Variants in KIF3B observed in about 807,000 individuals in gnomAD.
KIF3B encodes kinesin-like protein KIF3B.
In KIF3B, 38 loss-of-function variants were observed where a neutral mutation model predicts 74.3. That is an observed-to-expected ratio of 0.51 (90% CI 0.39 to 0.67). The LOEUF (loss-of-function observed/expected upper bound fraction) is 0.67, where lower values mean the gene tolerates loss of function less well. Ranked by LOEUF, KIF3B falls within the 30% of genes least tolerant of loss-of-function variation. The probability of loss-of-function intolerance (pLI) is 0.00; values close to 1 mark genes in which losing one functional copy is unlikely to be tolerated. For missense variants in KIF3B, 649 were observed against 932.0 expected, an observed-to-expected ratio of 0.70 and a Z score of 3.95; for synonymous variants, 326 against 342.5, an observed-to-expected ratio of 0.95 and a Z score of 0.53.
At chr20:32,329,523 C>T (rs1052900462) in intron 7 of KIF3B, among the ~76,000 whole-genome samples, 1 of 152,036 alleles carries the variant, frequency 6.6e-6, no homozygotes, top group African/African-American at 2.4e-5. Flanking sequence ...GTGTGCTGGG[C>T]ATTGTACCCA....
At chr20:32,329,003 G>A (rs1240986698) in intron 7 of KIF3B, among the ~76,000 whole-genome samples, 1 of 152,186 alleles carries the variant, frequency 6.6e-6, no homozygotes, top group African/African-American at 2.4e-5. Flanking sequence ...TGTCTCCTGG[G>A]TTCAAGCAAT....
rs2047947307 is a variant in KIF3B, at chr20:32,334,708, GT to G, written c.*3391del. 6.6e-6 allele frequency: 1 copy of G among 152,176 alleles called. No homozygotes were observed. Among genetic ancestry groups the G allele is most frequent in the African/African-American group, 2.4e-5 (1 of 41,434 alleles). The allele number at this position is 152,176 out of a possible 1,614,324, so 9.4% of individuals were successfully genotyped here. On this transcript the variant is annotated 3_prime_UTR_variant, in exon 9 of 9. Transcript: ENST00000375712. The stretch of plus-strand genomic sequence containing the variant: ...ATCACGCAAGGCTTTGTTTTGTACT[GT>G]TCAGAAATCTGTCACCTTTCTGCCT...
At chr20:32,323,212 T>G (rs1201107300) in intron 5 of KIF3B, among the ~76,000 whole-genome samples, 2 of 137,266 alleles carry the variant, frequency 1.5e-5, no homozygotes, top group Non-Finnish European at 3.0e-5. Context: ...ATAATTGATT[T>G]TTGTCTACAC....
Position 32,297,253 on chromosome 20 carries a change from G to T in KIF3B, c.-65-12460G>T, listed in dbSNP as rs192150079. ...AGAGGACATTGCTTTGGAATGCATT[G>T]ATTTGAGGTGCGTTAGTATGCACTC... On this transcript the variant is annotated intron_variant, in intron 1 of 8. Transcript: ENST00000375712. Among the ~76,000 whole-genome samples, 223 of 152,332 alleles carry T rather than the reference G, an allele frequency of 1.5e-3. 1 individual carries two copies. Among genetic ancestry groups the T allele is most frequent in the African/African-American group, 5.0e-3 (206 of 41,576 alleles).
chr20:32,316,461 AG>A, intron 3 of KIF3B, 65 bp from the exon 4 acceptor site: 1 of 1,604,980 alleles, frequency 6.2e-7, no homozygotes. Flanking sequence ...CTCTGATCCT[AG>A]CTTGGGGAAC....
rs776012290 is a variant in KIF3B, at chr20:32,327,676, C to T, written c.1968+15C>T. 3 of 1,596,550 alleles carry T rather than the reference C, an allele frequency of 1.9e-6. No homozygotes were observed. Among genetic ancestry groups the T allele is most frequent in the East Asian group, 4.5e-5 (2 of 44,674 alleles). ...CCCGATATAGGGTGAGAAGATCCTTCTTGGGTTTTTCTCCTGTCTCTTTTG... is the reference window on the plus strand; with the variant it reads ...CCCGATATAGGGTGAGAAGATCCTTTTTGGGTTTTTCTCCTGTCTCTTTTG... On this transcript the variant is annotated intron_variant, in intron 7 of 8. Transcript: ENST00000375712.
intron 1 of KIF3B, among the ~76,000 whole-genome samples, chr20:32,280,714 C>CA (rs34366324): frequency 0.2 from 10,166 of 51,374 alleles, 1,624 homozygotes; most frequent in African/African-American, 0.22. Flanking sequence ...GACTCCGTCT[C>CA]AAAAAAAAAA....
chr20:32,296,607 A>G (rs939755118), intron 1 of KIF3B, among the ~76,000 whole-genome samples: 16 of 152,122 alleles, frequency 1.1e-4, no homozygotes, highest in Non-Finnish European at 2.2e-4. Flanking sequence ...GAAGAAAAAA[A>G]AAAGGGTATA....
At chr20:32,312,305 A>G (rs577505192) in intron 2 of KIF3B, among the ~76,000 whole-genome samples, 11 of 151,516 alleles carry the variant, frequency 7.3e-5, no homozygotes, top group Admixed American at 3.3e-4. Context: ...TGGTCTCACT[A>G]TGTTGTTCAG....
intron 5 of KIF3B, among the ~76,000 whole-genome samples, chr20:32,323,104 A>ATATTTT (rs2047882447): frequency 5.7e-5 from 5 of 87,320 alleles, no homozygotes; most frequent in Non-Finnish European, 8.9e-5. Context: ...TTATATATTT[A>ATATTTT]TATATATTTA....
intron 2 of KIF3B, 92 bp downstream of exon 2, chr20:32,311,273 G>A: frequency 7.5e-7 from 1 of 1,335,886 alleles, no homozygotes; most frequent in Non-Finnish European, 1.0e-6. Context: ...TATGAGGGAT[G>A]ATGTCTCTCA....
chr20:32,315,343 A>G (rs1420605846), intron 2 of KIF3B, among the ~76,000 whole-genome samples: 2 of 152,070 alleles, frequency 1.3e-5, no homozygotes, highest in South Asian at 2.1e-4. Context: ...CCTAATTCCT[A>G]TTTTTTAACT....
intron 5 of KIF3B, among the ~76,000 whole-genome samples, chr20:32,318,963 T>A (rs1355859357): frequency 7.2e-6 from 1 of 139,824 alleles, no homozygotes; most frequent in Non-Finnish European, 1.6e-5. Context: ...CCACATCTTC[T>A]TTTTTTTTTT....
chr20:32,306,086 G>C (rs6087869), intron 1 of KIF3B, among the ~76,000 whole-genome samples: 1 of 78,314 alleles, frequency 1.3e-5, no homozygotes, highest in Non-Finnish European at 3.6e-5. Flanking sequence ...GACTCCATCT[G>C]AAAAAAAAAA....
At position 32,316,523 on chromosome 20, in the gene KIF3B, T is replaced by G. The variant is rs2047828396; in HGVS notation, c.1507-4T>G. The G allele has an allele frequency of 6.2e-7, 1 of 1,613,712 alleles. No individual in the cohort carries two copies. ...AAGCTGATGAATTTTGTCATGTTGC[T>G]CAGAAACGTCGAGAAAGAGAAATCC... is the stretch of plus-strand genomic sequence containing the variant. On this transcript the variant is annotated splice_polypyrimidine_tract_variant and splice_region_variant and intron_variant, in intron 3 of 8. Transcript: ENST00000375712.
At chr20:32,291,543 AT>A (rs944491536) in intron 1 of KIF3B, among the ~76,000 whole-genome samples, 4 of 150,262 alleles carry the variant, frequency 2.7e-5, no homozygotes, top group Non-Finnish European at 4.4e-5. Flanking sequence ...AAATAATAAC[AT>A]TTTTTTACAC....
chr20:32,318,465 C>A (rs2047839615), intron 5 of KIF3B, among the ~76,000 whole-genome samples: 2 of 152,148 alleles, frequency 1.3e-5, no homozygotes, highest in Admixed American at 1.3e-4. Flanking sequence ...CTCCTCATTA[C>A]CCCCTTTCCC....
At chr20:32,280,250 C>T (rs1354417962) in intron 1 of KIF3B, among the ~76,000 whole-genome samples, 2 of 152,058 alleles carry the variant, frequency 1.3e-5, no homozygotes, top group Non-Finnish European at 2.9e-5. Context: ...CTGTATTTTC[C>T]GTGTATGGTT....
chr20:32,329,159 C>T lies in KIF3B; in HGVS notation c.1969-982C>T, dbSNP rs566632192. The stretch of plus-strand genomic sequence containing the variant: ...CTGACCTCAGGTGATCCACCCACCT[C>T]GGCCTCCCAGAGTGCTGGGATTACA... On this transcript the variant is annotated intron_variant, in intron 7 of 8. Coordinates refer to ENST00000375712, the MANE Select transcript of KIF3B (RefSeq NM_004798.4). Among the ~76,000 whole-genome samples, 213 of 152,128 alleles carry T rather than the reference C, an allele frequency of 1.4e-3. No individual in the cohort carries two copies. In the Middle Eastern group the frequency reaches 0.017, roughly 12 times the overall value.
Sources: gnomAD v4.1 joint callset for allele counts (sites outside exome capture counted in the v4.1 genomes callset) on GRCh38, gnomAD v4.1.1 for gene constraint, MANE v1.5 for transcripts, NCBI Gene and HGNC (gene_info 2026-07-23, HGNC 2026-07-21) for gene names.